DNAH9: variants seen among roughly 807,000 people sequenced by gnomAD.
DNAH9 encodes the protein dynein axonemal heavy chain 9, also known as DNAH9 variant protein.
DNAH9 carries 345 observed loss-of-function variants against 471.6 expected under a neutral mutation model. The observed-to-expected ratio is 0.73, with a 90% CI of 0.67 to 0.80. The LOEUF (loss-of-function observed/expected upper bound fraction) is 0.80. DNAH9 is among the 30% of genes least tolerant of loss of function. The pLI is 0.00. For synonymous variants in DNAH9, 2,093 were observed against 2,123.6 expected (o/e 0.99, Z 0.40); for missense variants, 5,407 against 5,609.2 (o/e 0.96, Z 1.15).
At chr17:11,905,904 CAA>C in intron 61 of DNAH9, 95 bp downstream of exon 61, 2 of 1,396,728 alleles carry the variant, frequency 1.4e-6, no homozygotes, top group African/African-American at 2.9e-5. Context: ...ATTCAAGCTT[CAA>C]ATATGCAACA....
intron 32 of DNAH9, among the ~76,000 whole-genome samples, chr17:11,748,630 C>G (rs999318769): frequency 6.6e-6 from 1 of 152,138 alleles, no homozygotes; most frequent in Non-Finnish European, 1.5e-5. Context: ...AGCCATATTC[C>G]TTTCTACAGT....
Position 11,783,245 on chromosome 17 carries a change from G to A in DNAH9, c.7719-401G>A, listed in dbSNP as rs565648988. 2.6e-5 allele frequency among the ~76,000 whole-genome samples: 4 copies of A among 152,330 alleles called. No homozygotes were observed. The South Asian group carries it at 8.3e-4, about 32-fold the overall frequency. ...GGAAGGGGCATTACTGGCCCAACCA[G>A]AGATGGAAGCTAAGAACCCATGACT... On this transcript the variant is annotated intron_variant, in intron 39 of 68. Transcript: ENST00000262442.
chr17:11,751,887 A>C lies in DNAH9; in HGVS notation c.6611-946A>C, dbSNP rs552658046. On this transcript the variant is annotated intron_variant, in intron 32 of 68. Coordinates refer to ENST00000262442, the MANE Select transcript of DNAH9 (RefSeq NM_001372.4). ...ATTACTAGAATTAATAAGAAAGTTC[A>C]TTAAAGGCAACTGAACATAAAATAA... 2.0e-5 allele frequency among the ~76,000 whole-genome samples: 3 copies of C among 152,214 alleles called. No individual in the cohort carries two copies. The South Asian group carries it at 6.2e-4, about 31-fold the overall frequency.
chr17:11,638,894 G>A (rs975056085), intron 9 of DNAH9, among the ~76,000 whole-genome samples: 47 of 152,280 alleles, frequency 3.1e-4, no homozygotes, highest in African/African-American at 8.7e-4. Flanking sequence ...CCTGTTGGCT[G>A]TCAGCCAAGG....
chr17:11,719,600 CGGAGCCCAG>C, intron 27 of DNAH9, 110 bp downstream of exon 27: 1 of 1,057,248 alleles, frequency 9.5e-7, no homozygotes, highest in African/African-American at 1.6e-5. Context: ...CCCCAGGTCT[CGGAGCCCAG>C]ATCAGGAGGT....
intron 54 of DNAH9, among the ~76,000 whole-genome samples, chr17:11,880,557 G>A (rs59755492): frequency 0.094 from 14,372 of 152,150 alleles, 787 homozygotes; most frequent in African/African-American, 0.15. Context: ...TGACAACTCG[G>A]TTCCTTGTCA....
intron 1 of DNAH9, among the ~76,000 whole-genome samples, chr17:11,607,291 C>T (rs2072528400): frequency 6.6e-6 from 1 of 152,204 alleles, no homozygotes; most frequent in Admixed American, 6.5e-5. Context: ...ACACCATTGA[C>T]AGCAGTTTTT....
intron 5 of DNAH9, 69 bp from the exon 6 acceptor site, chr17:11,619,479 C>T (rs951762076): frequency 8.4e-5 from 70 of 835,348 alleles, no homozygotes; most frequent in Non-Finnish European, 1.4e-4. Context: ...TGATTCAGTT[C>T]AGAGTTGGTG....
chr17:11,623,733 A>G lies in DNAH9; in HGVS notation c.1350+3952A>G, dbSNP rs2072918966. Among the ~76,000 whole-genome samples, 1 of 152,194 alleles carries G rather than the reference A, an allele frequency of 6.6e-6. No individual in the cohort carries two copies. The highest frequency in any genetic ancestry group is 2.1e-4 in the South Asian group (1 of 4,818). ...CTTATTCATCTTCTATTCTAATACAATCTATGGCCACTGAGATGATGGTAG... is the reference window on the plus strand; with the variant it reads ...CTTATTCATCTTCTATTCTAATACAGTCTATGGCCACTGAGATGATGGTAG... On this transcript the variant is annotated intron_variant, in intron 6 of 68. Coordinates refer to ENST00000262442, the MANE Select transcript of DNAH9 (RefSeq NM_001372.4). This position sits in a 1 kb window ranked among gnomAD's most constrained non-coding sequence, Gnocchi z 4.1.
At chr17:11,690,699 G>A (rs747259825) in intron 20 of DNAH9, among the ~76,000 whole-genome samples, 9 of 151,620 alleles carry the variant, frequency 5.9e-5, no homozygotes, top group South Asian at 2.1e-4. Flanking sequence ...AAAAAAAAAT[G>A]TATATATAAG....
At chr17:11,608,366 G>C in intron 2 of DNAH9, 41 bp downstream of exon 2, 1 of 1,413,176 alleles carries the variant, frequency 7.1e-7, no homozygotes, top group Non-Finnish European at 9.7e-7. Context: ...TCTGAGATAT[G>C]GGAGATGCTG....
At chr17:11,954,765 G>A (rs1390168896) in intron 67 of DNAH9, among the ~76,000 whole-genome samples, 39 of 112,306 alleles carry the variant, frequency 3.5e-4, no homozygotes, top group African/African-American at 4.3e-4. Context: ...GCAAGACTTC[G>A]TCTTAAAAAA....
At chr17:11,712,470 A>G (rs2322047) in intron 26 of DNAH9, among the ~76,000 whole-genome samples, 126,112 of 151,902 alleles carry the variant, frequency 0.83, 55,993 homozygotes, top group Non-Finnish European at 0.98. Context: ...TGGTACTTTT[A>G]TGTTTAACTT....
At chr17:11,689,518 T>C (rs781320693) in intron 19 of DNAH9, 48 bp from the exon 20 acceptor site, 2 of 1,520,974 alleles carry the variant, frequency 1.3e-6, no homozygotes, top group Admixed American at 3.7e-5. Context: ...TGCTAGGAGA[T>C]GGGCCCCTGC....
intron 49 of DNAH9, among the ~76,000 whole-genome samples, chr17:11,848,471 T>G (rs1971299716): frequency 6.6e-6 from 1 of 151,988 alleles, no homozygotes; most frequent in Non-Finnish European, 1.5e-5. Flanking sequence ...TCTCAAATAC[T>G]GATGATTGGG....
chr17:11,902,780 G>A lies in DNAH9; in HGVS notation c.11468G>A (p.Ser3823Asn), dbSNP rs757955189. Residue 3823 changes from serine (S) to asparagine (N), a missense_variant, in exon 60 of 69, where the codon AGC (serine) becomes AAC (asparagine). Physicochemically the swap from Ser to Asn is conservative, Grantham distance 46. Around this residue, in one of 3 missense-constraint regions of DNAH9, gnomAD observed 4,636 missense variants for 4,900.3 expected, o/e 0.95. Transcript: ENST00000262442. ...LDRDIEGSAK[S>N]WKKFVESECP... ...CGGGACATAGAGGGATCTGCTAAGA[G>A]CTGGAAAAAGTTTGTGGAGTCCGAA... 79 of 1,614,046 alleles carry A rather than the reference G, an allele frequency of 4.9e-5. No individual in the cohort carries two copies. The highest frequency in any genetic ancestry group is 6.5e-5 in the Non-Finnish European group (77 of 1,179,890).
chr17:11,762,536 C>T (rs751541088), intron 35 of DNAH9, among the ~76,000 whole-genome samples: 45 of 152,082 alleles, frequency 3.0e-4, no homozygotes, highest in Non-Finnish European at 5.3e-4. Flanking sequence ...GTGCAAACAC[C>T]AGGCCAGGGC....
At chr17:11,809,659 C>T (rs1179937472) in intron 44 of DNAH9, among the ~76,000 whole-genome samples, 1 of 152,166 alleles carries the variant, frequency 6.6e-6, no homozygotes, top group African/African-American at 2.4e-5. Flanking sequence ...ACCTCACTCT[C>T]AGTCAAGACC....
rs2073939890 is a variant in DNAH9, at chr17:11,669,489, C to G, written c.3048C>G (p.Leu1016=). The G allele has an allele frequency of 6.2e-7, 1 of 1,614,194 alleles. No homozygotes were observed. Among genetic ancestry groups the G allele is most frequent in the East Asian group, 2.2e-5 (1 of 44,868 alleles). The change falls in exon 17 of 69, where the codon CTC becomes CTG. Residue 1016 remains leucine (L), a synonymous_variant. Coordinates refer to ENST00000262442, the MANE Select transcript of DNAH9 (RefSeq NM_001372.4). ...YQSTFSQYSY[L]YVEDRKEVLG... The stretch of plus-strand genomic sequence containing the variant: ...GCACCTTCAGCCAGTATTCGTACCT[C>G]TATGTGGAGGACCGGAAGGAGGTTC...
Sources: gnomAD v4.1 joint callset for allele counts (sites outside exome capture counted in the v4.1 genomes callset) on GRCh38, gnomAD v4.1.1 for gene constraint, gnomAD v4.1.1 regional missense constraint, Gnocchi (gnomAD v3.1) non-coding constraint, MANE v1.5 for transcripts, NCBI Gene and HGNC (gene_info 2026-07-23, HGNC 2026-07-21) for gene names.